The following GSE1 variants were observed in gnomAD, a reference collection of about 807,000 sequenced individuals.
The protein encoded by GSE1 is genetic suppressor element 1.
A neutral mutation model predicts 112.6 loss-of-function variants in GSE1; 32 were observed. The observed-to-expected ratio is 0.28, with a 90% CI of 0.21 to 0.38. The LOEUF (loss-of-function observed/expected upper bound fraction) is 0.38, where lower values mean the gene tolerates loss of function less well. Among genes scored for constraint, GSE1 ranks in the 10% least tolerant of loss-of-function variants. GSE1 has a pLI of 1.00. For synonymous variants in GSE1, 1,115 were observed against 735.6 expected (o/e 1.52, Z -8.35); for missense variants, 2,348 against 1,699.2 (o/e 1.38, Z -6.71).
chr16:85,431,537 C>A lies in GSE1; in HGVS notation c.2464+73894C>A, dbSNP rs189350893. Among the ~76,000 whole-genome samples, 4 of 152,368 alleles carry A rather than the reference C, an allele frequency of 2.6e-5. No homozygotes were observed. The East Asian group carries it at 7.7e-4, about 29-fold the overall frequency. On this transcript the variant is annotated intron_variant, in intron 2 of 2. Coordinates refer to the GSE1 transcript ENST00000637419. ...GATCCAACGCCTGCTGTCCCCAGAT[C>A]TGATCCTTTGAGCATCAGGGCTGGA...
intron 1 of GSE1, among the ~76,000 whole-genome samples, chr16:85,253,058 G>T (rs954393870): frequency 2.1e-5 from 1 of 47,144 alleles, no homozygotes; most frequent in Non-Finnish European, 3.9e-5. Context: ...AGGCGCCCCC[G>T]CCCCCCCCCC....
chr16:85,425,782 G>A (rs1012559051), intron 2 of GSE1, among the ~76,000 whole-genome samples: 2 of 152,212 alleles, frequency 1.3e-5, no homozygotes, highest in African/African-American at 4.8e-5. Flanking sequence ...GCTGAGAGAC[G>A]AAGTAACTTT....
chr16:85,593,483 A>C (rs2047081979), intron 1 of GSE1: 1 of 152,480 alleles, frequency 6.6e-6, no homozygotes, highest in African/African-American at 2.4e-5. Context: ...TTGAGGGAGG[A>C]TGCAGTTCCC....
intron 1 of GSE1, among the ~76,000 whole-genome samples, chr16:85,574,246 C>A (rs994823582): frequency 1.3e-5 from 2 of 152,200 alleles, no homozygotes; most frequent in Non-Finnish European, 2.9e-5. Context: ...ATAGCAGGCC[C>A]CCAGAATGCT....
chr16:85,174,447 C>G (rs2074419681), intron 1 of GSE1, among the ~76,000 whole-genome samples: 1 of 152,210 alleles, frequency 6.6e-6, no homozygotes, highest in Non-Finnish European at 1.5e-5. Flanking sequence ...AAGGAGAAGC[C>G]TCAGCTCTCA....
chr16:85,224,359 G>A (rs1242669435), intron 1 of GSE1, among the ~76,000 whole-genome samples: 1 of 134,810 alleles, frequency 7.4e-6, no homozygotes. Context: ...GATTCCAGGA[G>A]CCAAACTCAT....
intron 1 of GSE1, among the ~76,000 whole-genome samples, chr16:85,304,069 C>T (rs764677086): frequency 1.8e-4 from 27 of 152,248 alleles, no homozygotes; most frequent in Non-Finnish European, 1.2e-4. Context: ...GACAGAGCCC[C>T]TTGGCCTCCT....
chr16:85,201,838 T>C (rs2075034802), intron 1 of GSE1, among the ~76,000 whole-genome samples: 2 of 152,184 alleles, frequency 1.3e-5, no homozygotes, highest in South Asian at 4.1e-4. Context: ...GCCAAATGAT[T>C]TGCCACAAAC....
chr16:85,498,386 C>G (rs539377864), intron 2 of GSE1, among the ~76,000 whole-genome samples: 3 of 152,148 alleles, frequency 2.0e-5, no homozygotes, highest in African/African-American at 7.2e-5. Flanking sequence ...CACACATAGA[C>G]ATGTACACAC....
At chr16:85,241,256 C>T (rs1905145988) in intron 1 of GSE1, among the ~76,000 whole-genome samples, 1 of 152,218 alleles carries the variant, frequency 6.6e-6, no homozygotes, top group Non-Finnish European at 1.5e-5. Flanking sequence ...AAAAGCAGGG[C>T]TGATGGTTTT....
chr16:85,360,138 G>C (rs576123775), intron 2 of GSE1, among the ~76,000 whole-genome samples: 1 of 152,106 alleles, frequency 6.6e-6, no homozygotes, highest in African/African-American at 2.4e-5. Flanking sequence ...TTGGGGATGG[G>C]GCTGGTCACT....
chr16:85,450,463 T>C (rs1399761532), intron 2 of GSE1, among the ~76,000 whole-genome samples: 2 of 151,256 alleles, frequency 1.3e-5, no homozygotes, highest in East Asian at 3.9e-4. Context: ...TTTATTTTTA[T>C]TTTTGAGACA....
intron 1 of GSE1, among the ~76,000 whole-genome samples, chr16:85,571,179 C>A (rs115225844): frequency 1.0e-3 from 157 of 152,260 alleles, no homozygotes; most frequent in African/African-American, 3.6e-3. Context: ...GGGGAACTTC[C>A]CTCCCTTGAG....
chr16:85,260,327 T>TTC (rs1567645840), intron 1 of GSE1, among the ~76,000 whole-genome samples: 2 of 140,960 alleles, frequency 1.4e-5, no homozygotes, highest in Admixed American at 1.4e-4. Context: ...TTCTTTTTTT[T>TTC]TTTTTTTTTT....
chr16:85,338,940 A>G lies in GSE1; in HGVS notation c.2284-18523A>G, dbSNP rs531825744. 2.0e-5 allele frequency among the ~76,000 whole-genome samples: 3 copies of G among 152,336 alleles called. No individual in the cohort carries two copies. The East Asian group carries it at 5.8e-4, about 29-fold the overall frequency. On this transcript the variant is annotated intron_variant, in intron 1 of 2. Coordinates refer to the GSE1 transcript ENST00000637419. ...TGCAGAGCTTGGCCTGGCCCGCAGC[A>G]GGCAGAAGCATGGGGCATCTCATCC...
chr16:85,647,232 C>T (rs948965204), intron 2 of GSE1, among the ~76,000 whole-genome samples: 1 of 152,182 alleles, frequency 6.6e-6, no homozygotes, highest in Admixed American at 6.5e-5. Flanking sequence ...GTCACCCAGG[C>T]CCAAAGCCCT....
At chr16:85,224,849 A>G (rs1422146309) in intron 1 of GSE1, among the ~76,000 whole-genome samples, 1 of 143,072 alleles carries the variant, frequency 7.0e-6, no homozygotes, top group Non-Finnish European at 1.5e-5. Flanking sequence ...AAAAAAAAAA[A>G]TTAGCCAGGT....
At chr16:85,436,595 G>T (rs557934101) in intron 2 of GSE1, among the ~76,000 whole-genome samples, 1 of 152,372 alleles carries the variant, frequency 6.6e-6, no homozygotes, top group Admixed American at 6.5e-5. Context: ...TGAAGGCGGG[G>T]ACCTCGGTAG....
At chr16:85,409,300 A>T (rs36168198) in intron 2 of GSE1, among the ~76,000 whole-genome samples, 33 of 35,174 alleles carry the variant, frequency 9.4e-4, no homozygotes, top group South Asian at 1.5e-3. Flanking sequence ...TCACTGTTAC[A>T]CTCAGGGCCC....
Sources: gnomAD v4.1 joint callset for allele counts (sites outside exome capture counted in the v4.1 genomes callset) on GRCh38, gnomAD v4.1.1 for gene constraint, MANE v1.5 for transcripts, NCBI Gene and HGNC (gene_info 2026-07-23, HGNC 2026-07-21) for gene names.